Variants in PLA2G4E observed in about 807,000 individuals in gnomAD.
PLA2G4E encodes the protein cytosolic phospholipase A2 epsilon.
Under a neutral mutation model 109.1 loss-of-function variants are expected in PLA2G4E, and 84 were observed. That is an observed-to-expected ratio of 0.77 (90% CI 0.65 to 0.92). The LOEUF (loss-of-function observed/expected upper bound fraction) is 0.92. PLA2G4E is among the 40% of genes least tolerant of loss of function. The probability of loss-of-function intolerance (pLI) is 0.00; values close to 1 mark genes in which losing one functional copy is unlikely to be tolerated. For synonymous variants in PLA2G4E, 469 were observed against 436.1 expected (o/e 1.08, Z -0.94); for missense variants, 1,057 against 1,076.6 (o/e 0.98, Z 0.25).
intron 11 of PLA2G4E, 125 bp from the exon 12 acceptor site, chr15:41,995,621 G>T: frequency 7.7e-7 from 1 of 1,293,834 alleles, no homozygotes; most frequent in Non-Finnish European, 1.1e-6. Context: ...AGGGCAGGGA[G>T]TGCGGCGTTG....
intron 1 of PLA2G4E, among the ~76,000 whole-genome samples, chr15:42,019,584 C>T (rs1021633737): frequency 2.0e-5 from 3 of 152,174 alleles, no homozygotes; most frequent in African/African-American, 7.2e-5. Context: ...GCTGGGTGTA[C>T]CCTTCAGTTC....
At chr15:41,984,742 C>G in intron 18 of PLA2G4E, 123 bp from the exon 19 acceptor site, 1 of 928,102 alleles carries the variant, frequency 1.1e-6, no homozygotes, top group Non-Finnish European at 1.5e-6. Context: ...AACTGCTTTG[C>G]CAGTGTATGG....
chr15:41,991,836 T>G (rs1000529440), intron 13 of PLA2G4E, among the ~76,000 whole-genome samples: 5 of 152,032 alleles, frequency 3.3e-5, no homozygotes, highest in Non-Finnish European at 7.4e-5. Context: ...TGGACAGAGG[T>G]GGGAAGCTCT....
In PLA2G4E at chr15:42,040,050, T is replaced by G. The variant is rs1168248326; in HGVS notation, c.183+10471A>C. ...CAATAAATGTACTTTAAAGCCACAG[T>G]ATTTGGCCAGTTGTGGTGGCTTCTG... On this transcript the variant is annotated intron_variant, in intron 1 of 19. Transcript: ENST00000399518. 6.6e-5 allele frequency among the ~76,000 whole-genome samples: 10 copies of G among 152,266 alleles called. No homozygotes were observed. The East Asian group carries it at 1.9e-3, about 29-fold the overall frequency.
chr15:41,989,522 C>T lies in PLA2G4E; in HGVS notation c.1616G>A (p.Gly539Asp), dbSNP rs781074636. The T allele has an allele frequency of 9.3e-6, 15 of 1,613,532 alleles. No individual in the cohort carries two copies. Among genetic ancestry groups the T allele is most frequent in the Admixed American group, 1.7e-5 (1 of 59,970 alleles). The change falls in exon 15 of 20, where the codon GGC becomes GAC. Residue 539 changes from glycine to aspartate, a missense_variant. Coordinates refer to ENST00000399518, the Ensembl canonical transcript of PLA2G4E. ...GATGAAGGCCCCATACTTCTGCAGG[C>T]CCACCTCGTAGGGGGAGAACTCGAA...
chr15:41,981,889 C>T (rs892471712), exon 20 of PLA2G4E: 11 of 152,174 alleles, frequency 7.2e-5, no homozygotes, highest in African/African-American at 2.7e-4. Context: ...CAAGGGAGCA[C>T]TGATTCATAC....
At chr15:42,013,806 G>T in intron 1 of PLA2G4E, 49 bp from the exon 2 acceptor site, 4 of 1,486,162 alleles carry the variant, frequency 2.7e-6, no homozygotes, top group Non-Finnish European at 3.7e-6. Flanking sequence ...TTACTCCAAG[G>T]CCATTGCCCC....
intron 1 of PLA2G4E, among the ~76,000 whole-genome samples, chr15:42,022,601 C>T (rs1031137985): frequency 2.0e-5 from 3 of 151,926 alleles, no homozygotes; most frequent in Non-Finnish European, 2.9e-5. Context: ...CTAGATCCCT[C>T]GAGTATACAG....
At chr15:41,996,733 G>A (rs1414344580) in intron 11 of PLA2G4E, among the ~76,000 whole-genome samples, 1 of 152,242 alleles carries the variant, frequency 6.6e-6, no homozygotes, top group Non-Finnish European at 1.5e-5. Context: ...GCGGATTTGA[G>A]AGGAGAGACA....
At chr15:42,013,620 C>T (rs1469089683) in intron 2 of PLA2G4E, 65 bp downstream of exon 2, 45 of 1,469,984 alleles carry the variant, frequency 3.1e-5, no homozygotes, top group Non-Finnish European at 4.1e-5. Flanking sequence ...ACCATTTCTC[C>T]AGCCAGGGCC....
rs1238710581 is a variant in PLA2G4E, at chr15:42,010,266, A to G, written c.257-2401T>C. ...CGCGCATGATTTGATGGACCCTGTA[A>G]GAGCCCCTTCCCTCTAAAATTGTTT... On this transcript the variant is annotated intron_variant, in intron 2 of 19. Transcript: ENST00000399518. 1.2e-5 allele frequency: 5 copies of G among 416,672 alleles called. 1 individual carries two copies. The highest frequency in any genetic ancestry group is 7.9e-5 in the South Asian group (4 of 50,432). The allele number at this position is 416,672 out of a possible 1,614,324, so 25.8% of individuals were successfully genotyped here.
At chr15:42,040,238 T>G (rs1490469073) in intron 1 of PLA2G4E, among the ~76,000 whole-genome samples, 2 of 152,004 alleles carry the variant, frequency 1.3e-5, no homozygotes, top group Non-Finnish European at 2.9e-5. Flanking sequence ...ACTACAGTAT[T>G]TAAGGCCTAG....
At chr15:42,012,065 G>A (rs868391087) in intron 2 of PLA2G4E, among the ~76,000 whole-genome samples, 1 of 152,174 alleles carries the variant, frequency 6.6e-6, no homozygotes, top group African/African-American at 2.4e-5. Context: ...TCCTGCTGGC[G>A]CAGGCTCTGG....
intron 13 of PLA2G4E, among the ~76,000 whole-genome samples, chr15:41,992,315 A>T (rs1452004294): frequency 6.6e-6 from 1 of 151,870 alleles, no homozygotes; most frequent in Non-Finnish European, 1.5e-5. Flanking sequence ...TGGCTGGAGG[A>T]CCCTCCAAGG....
chr15:41,997,229 G>A (rs2068357267), exon 11 of PLA2G4E: 1 of 1,549,854 alleles, frequency 6.5e-7, no homozygotes, highest in African/African-American at 1.4e-5. Flanking sequence ...GGCACAGGCT[G>A]AAGCCCAGCC....
At chr15:42,014,989 G>A (rs1566844931) in intron 1 of PLA2G4E, among the ~76,000 whole-genome samples, 1 of 152,032 alleles carries the variant, frequency 6.6e-6, no homozygotes, top group South Asian at 2.1e-4. Flanking sequence ...TGCTCACGCG[G>A]TGCTGATGGC....
At chr15:41,990,333 C>T in intron 13 of PLA2G4E, 98 bp from the exon 14 acceptor site, 1 of 1,081,866 alleles carries the variant, frequency 9.2e-7, no homozygotes, top group Non-Finnish European at 1.4e-6. Flanking sequence ...CAGCCACTTC[C>T]TGGCTCCTGA....
Position 41,986,908 on chromosome 15 carries a change from C to T in PLA2G4E, c.2035+264G>A, listed in dbSNP as rs574965166. The T allele has an allele frequency of 1.4e-5, 7 of 494,170 alleles. No homozygotes were observed. The Admixed American group carries it at 2.4e-4, about 17-fold the overall frequency. 30.6% of individuals were successfully genotyped at this position (494,170 alleles called of 1,614,324 possible). ...ATCTGTAACATGGGGCCAACTTCTA[C>T]CTGCTAGGACTGTTGTACAGATTCT... On this transcript the variant is annotated intron_variant, in intron 17 of 19. Transcript: ENST00000399518.
At position 41,991,699 on chromosome 15, in the gene PLA2G4E, G is replaced by A. The variant is rs866517444; in HGVS notation, c.1470+1038C>T. ...CCGGTCATTCTCAGGTGCTCAAACT[G>A]TCTGGCTTTCTGGAAGATGGAACCT... On this transcript the variant is annotated intron_variant, in intron 13 of 19. Transcript: ENST00000399518. Among the ~76,000 whole-genome samples the A allele has an allele frequency of 1.4e-4, 22 of 152,332 alleles. No individual in the cohort carries two copies. The South Asian group carries it at 2.3e-3, about 16-fold the overall frequency.
Sources: gnomAD v4.1 joint callset for allele counts (sites outside exome capture counted in the v4.1 genomes callset) on GRCh38, gnomAD v4.1.1 for gene constraint, MANE v1.5 for transcripts, NCBI Gene and HGNC (gene_info 2026-07-23, HGNC 2026-07-21) for gene names.